THBS4: variants seen among roughly 807,000 people sequenced by gnomAD.
The protein encoded by THBS4 is thrombospondin-4.
THBS4 carries 90 observed loss-of-function variants against 115.7 expected under a neutral mutation model. That is an observed-to-expected ratio of 0.78 (90% CI 0.66 to 0.93). The LOEUF is 0.93. Among genes scored for constraint, THBS4 ranks in the 40% least tolerant of loss-of-function variants. The pLI is 0.00. For missense variants in THBS4, 1,087 were observed against 1,232.7 expected, an observed-to-expected ratio of 0.88 and a Z score of 1.77; for synonymous variants, 460 against 479.3, an observed-to-expected ratio of 0.96 and a Z score of 0.53.
chr5:80,080,579 C>CTTTTTTTTTTTTTTGTTTTTTTTTTTTT (rs1743446238), intron 20 of THBS4, among the ~76,000 whole-genome samples: 1 of 50,464 alleles, frequency 2.0e-5, no homozygotes, highest in African/African-American at 7.9e-5. Context: ...GCGCTTGTAT[C>CTTTTTTTTTTTTTTGTTTTTTTTTTTTT]TTTTTTTTTT....
At chr5:80,057,717 T>G (rs1460764257) in intron 3 of THBS4, among the ~76,000 whole-genome samples, 1 of 152,202 alleles carries the variant, frequency 6.6e-6, no homozygotes, top group African/African-American at 2.4e-5. Context: ...CAACCCGTAA[T>G]ATAAAAATAT....
rs1833538448 is a variant in THBS4, at chr5:80,059,218, T to C, written c.733-222T>C. Among the ~76,000 whole-genome samples, 3 of 151,330 alleles carry C rather than the reference T, an allele frequency of 2.0e-5. No homozygotes were observed. In the South Asian group the frequency reaches 6.3e-4, roughly 32 times the overall value. On this transcript the variant is annotated intron_variant, in intron 5 of 21. Transcript: ENST00000350881. ...GGTGGTGCATGCCTATAATCCCAGC[T>C]ACTCAGGAGGCTGAGGCAGGAGAAT...
chr5:80,075,750 A>G (rs983302035), intron 15 of THBS4, among the ~76,000 whole-genome samples: 9 of 152,250 alleles, frequency 5.9e-5, no homozygotes, highest in African/African-American at 1.4e-4. Flanking sequence ...TCAGGGCTAC[A>G]TAGAACGGCT....
At chr5:80,001,963 A>T (rs1210250951) in intron 2 of THBS4, among the ~76,000 whole-genome samples, 1 of 152,240 alleles carries the variant, frequency 6.6e-6, no homozygotes, top group Non-Finnish European at 1.5e-5. Flanking sequence ...CCAAAGATGT[A>T]AATAAGTTAT....
At position 80,059,505 on chromosome 5, in the gene THBS4, T is replaced by G. The variant is rs966893783; in HGVS notation, c.784+14T>G. ...GCCAGGCTTGCGGTAAGTGCTTTTC[T>G]AGTAATGGGCTCGCCTGAGTTGGAT... On this transcript the variant is annotated intron_variant, in intron 6 of 21. Transcript: ENST00000350881. The G allele has an allele frequency of 2.5e-6, 4 of 1,613,870 alleles. No homozygotes were observed. The African/African-American group carries it at 5.3e-5, about 22-fold the overall frequency.
chr5:80,041,483 C>A (rs1198867385), intron 2 of THBS4, among the ~76,000 whole-genome samples: 1 of 152,140 alleles, frequency 6.6e-6, no homozygotes, highest in Non-Finnish European at 1.5e-5. Flanking sequence ...GCTCAGTAGA[C>A]CTAGCTCCTA....
At chr5:80,023,022 C>T (rs1414527998) in intron 2 of THBS4, among the ~76,000 whole-genome samples, 1 of 151,940 alleles carries the variant, frequency 6.6e-6, no homozygotes, top group Non-Finnish European at 1.5e-5. Context: ...TCCTTAGTTG[C>T]AAGAACACCA....
At chr5:80,041,233 C>T (rs1256655436) in intron 2 of THBS4, among the ~76,000 whole-genome samples, 2 of 152,200 alleles carry the variant, frequency 1.3e-5, no homozygotes, top group Non-Finnish European at 1.5e-5. Flanking sequence ...ATGATGAAGA[C>T]AGACAGCAAG....
At chr5:80,059,521 T>C in intron 6 of THBS4, 30 bp downstream of exon 6, 1 of 1,613,682 alleles carries the variant, frequency 6.2e-7, no homozygotes, top group Non-Finnish European at 8.5e-7. Flanking sequence ...TGGGCTCGCC[T>C]GAGTTGGATG....
At position 80,035,614 on chromosome 5, in the gene THBS4, C is replaced by T. The variant is rs1832692221; in HGVS notation, c.77C>T (p.Ala26Val). 7.2e-7 allele frequency: 1 copy of T among 1,388,302 alleles called. No homozygotes were observed. The highest frequency in any genetic ancestry group is 3.0e-5 in the Admixed American group (1 of 33,674). The allele number at this position is 1,388,302 out of a possible 1,614,324, so 86.0% of individuals were successfully genotyped here. A position where few individuals can be genotyped will look rare whatever the true frequency, so the allele number is the denominator to read the frequency against. Residue 26 changes from alanine to valine, a missense_variant, in exon 1 of 22, where the codon GCC becomes GTC. By Grantham distance (64) the Ala-to-Val change is moderately conservative. Around this residue, in one of 3 missense-constraint regions of THBS4, gnomAD observed 979 missense variants for 1,103.7 expected, o/e 0.89. Transcript: ENST00000350881. The surrounding 1 kb of genome is among the most constrained non-coding windows in gnomAD (Gnocchi z 4.6). ...CGGTGGCTAGCGGCAGGCGCCCAGG[C>T]CACCCCCCAGGGTAAGTGGGTTCGG... The part of the protein sequence containing the change: ...LQRWLAAGAQ[A>V]TPQVFDLLPS...
chr5:80,034,317 C>G (rs1832644267), upstream of THBS4, among the ~76,000 whole-genome samples: 2 of 152,130 alleles, frequency 1.3e-5, no homozygotes, highest in African/African-American at 4.8e-5. Context: ...GTTATTTTAG[C>G]ACAGTTTGGG....
intron 2 of THBS4, among the ~76,000 whole-genome samples, chr5:80,001,289 G>C (rs967777861): frequency 2.0e-5 from 3 of 151,490 alleles, no homozygotes; most frequent in Non-Finnish European, 4.4e-5. Context: ...TTAGAAGTTT[G>C]GGTAACAGAA....
chr5:80,005,986 C>G (rs555763940), intron 2 of THBS4, among the ~76,000 whole-genome samples: 208 of 152,004 alleles, frequency 1.4e-3, no homozygotes, highest in Admixed American at 3.5e-3. Flanking sequence ...AGGATGGTCT[C>G]GATCTCTTGA....
chr5:80,000,317 G>T (rs767481670), intron 2 of THBS4, among the ~76,000 whole-genome samples: 25 of 152,232 alleles, frequency 1.6e-4, no homozygotes, highest in East Asian at 7.7e-4. Context: ...AACTTTTATT[G>T]CTTCTTCAGT....
rs530933347 is a variant in THBS4, at chr5:80,028,943, G to C, written n.178-11134G>C. ...ACCTACAGCTTTAGTGAACTAATTA[G>C]AAGTAATTTGTAATTAGCAGCACTG... On this transcript the variant is annotated intron_variant and non_coding_transcript_variant, in intron 2 of 3. Transcript: ENST00000510218. Among the ~76,000 whole-genome samples, 96 of 152,040 alleles carry C rather than the reference G, an allele frequency of 6.3e-4. 3 individuals are homozygous for C. In the South Asian group the frequency reaches 0.02, roughly 31 times the overall value.
intron 2 of THBS4, among the ~76,000 whole-genome samples, chr5:80,023,463 G>C (rs1832418392): frequency 6.6e-6 from 1 of 152,152 alleles, no homozygotes; most frequent in Non-Finnish European, 1.5e-5. Flanking sequence ...AAGAGGGTTA[G>C]GTGCCCCTTC....
chr5:80,059,542 A>T, intron 6 of THBS4, 51 bp downstream of exon 6: 1 of 1,606,366 alleles, frequency 6.2e-7, no homozygotes, highest in East Asian at 2.2e-5. Context: ...ATGCAGGCTG[A>T]TGAAGGGCTT....
chr5:80,055,959 T>G lies in THBS4; in HGVS notation c.467T>G (p.Leu156Arg). Reference protein sequence around the residue: ...DCIQVDSVHNLPRAFAGPSQK... With the variant: ...DCIQVDSVHNRPRAFAGPSQK... Reference sequence around the variant, plus strand: ...ATCCAGGTGGATTCCGTTCACAATCTCCCCAGGGCCTTTGCTGGCCCCTCC... The same window carrying G: ...ATCCAGGTGGATTCCGTTCACAATCGCCCCAGGGCCTTTGCTGGCCCCTCC... Residue 156 changes from leucine to arginine, a missense_variant, in exon 3 of 22, where the codon CTC becomes CGC. Around this residue, in one of 3 missense-constraint regions of THBS4, gnomAD observed 979 missense variants for 1,103.7 expected, o/e 0.89. Coordinates refer to ENST00000350881, the MANE Select transcript of THBS4 (RefSeq NM_003248.6). 1 of 1,614,132 alleles carries G rather than the reference T, an allele frequency of 6.2e-7. No homozygotes were observed. The highest frequency in any genetic ancestry group is 8.5e-7 in the Non-Finnish European group (1 of 1,180,014).
intron 2 of THBS4, among the ~76,000 whole-genome samples, chr5:80,014,115 G>C (rs923001523): frequency 6.6e-6 from 1 of 152,068 alleles, no homozygotes; most frequent in African/African-American, 2.4e-5. Flanking sequence ...ACTCCTTAAG[G>C]CTTTGGGATA....
Sources: gnomAD v4.1 joint callset for allele counts (sites outside exome capture counted in the v4.1 genomes callset) on GRCh38, gnomAD v4.1.1 for gene constraint, gnomAD v4.1.1 regional missense constraint, Gnocchi (gnomAD v3.1) non-coding constraint, MANE v1.5 for transcripts, NCBI Gene and HGNC (gene_info 2026-07-23, HGNC 2026-07-21) for gene names.